Variants in RCOR1 observed in about 807,000 individuals in gnomAD.
RCOR1 encodes REST corepressor.
RCOR1 carries 12 observed loss-of-function variants against 64.0 expected under a neutral mutation model. That is an observed-to-expected ratio of 0.19 (90% CI 0.12 to 0.30). RCOR1 has a LOEUF of 0.30. RCOR1 is among the 10% of genes least tolerant of loss of function. The probability of loss-of-function intolerance (pLI) is 1.00; values close to 1 mark genes in which losing one functional copy is unlikely to be tolerated. For synonymous variants in RCOR1, 279 were observed against 227.2 expected (o/e 1.23, Z -2.05); for missense variants, 502 against 621.2 (o/e 0.81, Z 2.04).
chr14:102,691,184 A>G (rs994325253), intron 3 of RCOR1, among the ~76,000 whole-genome samples: 8 of 152,230 alleles, frequency 5.3e-5, no homozygotes, highest in African/African-American at 1.9e-4. Context: ...AAATAAGTTC[A>G]TTGAGCGCCG....
intron 2 of RCOR1, among the ~76,000 whole-genome samples, chr14:102,647,098 A>G (rs943424202): frequency 3.9e-5 from 6 of 152,204 alleles, no homozygotes; most frequent in Admixed American, 2.6e-4. Flanking sequence ...AAATCTCCAC[A>G]TTGAGCAGAC....
intron 2 of RCOR1, among the ~76,000 whole-genome samples, chr14:102,602,044 A>G (rs1420446251): frequency 1.3e-5 from 2 of 152,040 alleles, no homozygotes; most frequent in Admixed American, 6.6e-5. Context: ...CTGTAATCCC[A>G]GCTACTTGGG....
intron 3 of RCOR1, among the ~76,000 whole-genome samples, chr14:102,687,959 AT>A (rs1895453970): frequency 1.5e-5 from 2 of 135,380 alleles, no homozygotes; most frequent in East Asian, 4.3e-4. Context: ...AAATGATAGC[AT>A]TTCCTTTTTT....
intron 2 of RCOR1, among the ~76,000 whole-genome samples, chr14:102,667,326 C>T (rs1477425703): frequency 6.6e-6 from 1 of 151,990 alleles, no homozygotes; most frequent in Non-Finnish European, 1.5e-5. Flanking sequence ...CATGGTGAAA[C>T]CCCATCTCTA....
intron 3 of RCOR1, among the ~76,000 whole-genome samples, chr14:102,700,974 A>T (rs1344145605): frequency 5.3e-5 from 8 of 152,340 alleles, no homozygotes; most frequent in African/African-American, 1.9e-4. Flanking sequence ...TTTTACATGG[A>T]TGGCGGCAGG....
At chr14:102,658,004 T>C in intron 2 of RCOR1, 2 of 908,578 alleles carry the variant, frequency 2.2e-6, no homozygotes, top group Non-Finnish European at 2.6e-6. Flanking sequence ...AGACAGAGTC[T>C]TGCTCTGTTG....
At chr14:102,665,548 G>A (rs939953960) in intron 2 of RCOR1, among the ~76,000 whole-genome samples, 14 of 152,034 alleles carry the variant, frequency 9.2e-5, no homozygotes, top group Admixed American at 7.9e-4. Flanking sequence ...ATATTAAGGT[G>A]GCCTTTCTAA....
intron 2 of RCOR1, among the ~76,000 whole-genome samples, chr14:102,669,012 C>T (rs1290475337): frequency 3.3e-5 from 5 of 151,968 alleles, no homozygotes; most frequent in African/African-American, 1.2e-4. Flanking sequence ...GAGAACCAGA[C>T]AGGAGGTATA....
In RCOR1 at chr14:102,728,229, C is replaced by T. The variant is rs113970453; in HGVS notation, c.*1723C>T. The T allele has an allele frequency of 6.6e-5, 10 of 152,066 alleles. No homozygotes were observed. The highest frequency in any genetic ancestry group is 2.4e-4 in the African/African-American group (10 of 41,400). The allele number at this position is 152,066 out of a possible 1,614,324, so 9.4% of individuals were successfully genotyped here. A position where few individuals can be genotyped will look rare whatever the true frequency, so the allele number is the denominator to read the frequency against. ...CATTCAAAAGGAAAGTACAATGGGACTTGCTGCCCTTCATCATCTCGTTCC... is the reference window on the plus strand; with the variant it reads ...CATTCAAAAGGAAAGTACAATGGGATTTGCTGCCCTTCATCATCTCGTTCC... On this transcript the variant is annotated 3_prime_UTR_variant, in exon 12 of 12. Coordinates refer to ENST00000262241, the MANE Select transcript of RCOR1 (RefSeq NM_015156.4).
intron 2 of RCOR1, among the ~76,000 whole-genome samples, chr14:102,676,350 C>G (rs1407114246): frequency 7.2e-6 from 1 of 138,472 alleles, no homozygotes; most frequent in African/African-American, 2.8e-5. Context: ...CTGACCCCCC[C>G]ACCACCCTCC....
In RCOR1 at chr14:102,592,758, C is replaced by G. The variant is rs1595184135; in HGVS notation, c.-129C>G. The stretch of plus-strand genomic sequence containing the variant: ...CCGTTTGGGCCTCCCCCGACTCGGA[C>G]TCGCGCCCGTGGGCTCCCGCCGCGC... On this transcript the variant is annotated 5_prime_UTR_variant, in exon 1 of 12. Transcript: ENST00000262241. The G allele has an allele frequency of 8.2e-7, 1 of 1,213,498 alleles. No homozygotes were observed. The allele number at this position is 1,213,498 out of a possible 1,614,324, so 75.2% of individuals were successfully genotyped here.
intron 2 of RCOR1, among the ~76,000 whole-genome samples, chr14:102,653,816 A>G (rs751141180): frequency 1.3e-5 from 2 of 151,940 alleles, no homozygotes; most frequent in Admixed American, 1.3e-4. Context: ...CCTCCCTAGA[A>G]GCTGAGCAGA....
chr14:102,644,552 C>T (rs1234742865), intron 2 of RCOR1, among the ~76,000 whole-genome samples: 1 of 152,132 alleles, frequency 6.6e-6, no homozygotes, highest in East Asian at 1.9e-4. Context: ...TCACATCGCT[C>T]CCCCTTCCTG....
chr14:102,653,975 C>G (rs28432174), intron 2 of RCOR1, among the ~76,000 whole-genome samples: 6 of 30,296 alleles, frequency 2.0e-4, no homozygotes, highest in African/African-American at 6.5e-4. Flanking sequence ...TTCTTTCTTT[C>G]TTTCTTTCTT....
intron 2 of RCOR1, among the ~76,000 whole-genome samples, chr14:102,676,227 A>C (rs1895147902): frequency 6.7e-6 from 1 of 150,206 alleles, no homozygotes; most frequent in Non-Finnish European, 1.5e-5. Context: ...GCCGCTGGGC[A>C]CACCTCCCAG....
intron 2 of RCOR1, among the ~76,000 whole-genome samples, chr14:102,664,801 G>C (rs1894885290): frequency 6.6e-6 from 1 of 152,090 alleles, no homozygotes; most frequent in African/African-American, 2.4e-5. Flanking sequence ...CTGAAAGATG[G>C]CAAATAATAG....
chr14:102,708,261 G>A (rs1171716350), intron 5 of RCOR1, among the ~76,000 whole-genome samples: 2 of 151,936 alleles, frequency 1.3e-5, no homozygotes, highest in African/African-American at 4.8e-5. Flanking sequence ...CACCACATCC[G>A]GCCTAATTTT....
intron 2 of RCOR1, chr14:102,658,576 AC>A: frequency 1.0e-6 from 1 of 985,362 alleles, no homozygotes; most frequent in African/African-American, 1.7e-5. Context: ...CAGGATGGCT[AC>A]CTACCTACCC....
At chr14:102,647,965 C>T (rs1219402128) in intron 2 of RCOR1, among the ~76,000 whole-genome samples, 1 of 152,236 alleles carries the variant, frequency 6.6e-6, no homozygotes, top group African/African-American at 2.4e-5. Context: ...AGGCATATAC[C>T]ACCATGCTCG....
Sources: gnomAD v4.1 joint callset for allele counts (sites outside exome capture counted in the v4.1 genomes callset) on GRCh38, gnomAD v4.1.1 for gene constraint, MANE v1.5 for transcripts, NCBI Gene and HGNC (gene_info 2026-07-23, HGNC 2026-07-21) for gene names.